The following BCL2 variants were observed in gnomAD, a reference collection of about 807,000 sequenced individuals.
BCL2 encodes the protein apoptosis regulator Bcl-2.
Under a neutral mutation model 14.2 loss-of-function variants are expected in BCL2, and 1 was observed. The observed-to-expected ratio is 0.07, with a 90% CI of 0.02 to 0.33. The LOEUF is 0.33. Ranked by LOEUF, BCL2 falls within the 10% of genes least tolerant of loss-of-function variation. The probability of loss-of-function intolerance (pLI) is 0.99; values close to 1 mark genes in which losing one functional copy is unlikely to be tolerated. For missense variants in BCL2, 247 were observed against 305.9 expected, an observed-to-expected ratio of 0.81 and a Z score of 1.44; for synonymous variants, 151 against 137.2, an observed-to-expected ratio of 1.10 and a Z score of -0.70.
chr18:63,315,252 T>C (rs1913459792), intron 2 of BCL2: 1 of 152,476 alleles, frequency 6.6e-6, no homozygotes, highest in East Asian at 1.9e-4. Context: ...TTTTCTAGAA[T>C]TGCTTCTCTC....
rs898133725 is a variant in BCL2 at position 63,123,934 on chromosome 18, G to A, written c.*4691C>T. ...AGTCTCAGAATTTTCTTGATTGAGC[G>A]AGCCTTTCCATCCTCCACCAGTGTT... On this transcript the variant is annotated 3_prime_UTR_variant, in exon 3 of 3. Transcript: ENST00000333681. 2.3e-5 allele frequency: 5 copies of A among 220,398 alleles called. No homozygotes were observed. Among genetic ancestry groups the A allele is most frequent in the Non-Finnish European group, 2.7e-5 (3 of 109,822 alleles). The allele number at this position is 220,398 out of a possible 1,614,324, so 13.7% of individuals were successfully genotyped here.
chr18:63,203,388 C>T (rs930670477), intron 2 of BCL2, among the ~76,000 whole-genome samples: 3 of 152,136 alleles, frequency 2.0e-5, no homozygotes, highest in Non-Finnish European at 2.9e-5. Context: ...CAGGGAGGTT[C>T]CCCACCTATT....
chr18:63,234,322 T>C (rs542172852), intron 2 of BCL2, among the ~76,000 whole-genome samples: 1 of 152,348 alleles, frequency 6.6e-6, no homozygotes, highest in Admixed American at 6.5e-5. Flanking sequence ...CTCCCACTTA[T>C]AAGTGAGAAC....
At chr18:63,218,742 T>TCCCTCCTCCACTCATCC (rs1910291259) in intron 2 of BCL2, among the ~76,000 whole-genome samples, 2 of 842 alleles carry the variant, frequency 2.4e-3, no homozygotes, top group African/African-American at 0.012. Context: ...TCCACTCATC[T>TCCCTCCTCCACTCATCC]CCATCCTCCA....
chr18:63,296,464 G>A (rs1273236106), intron 2 of BCL2, among the ~76,000 whole-genome samples: 2 of 152,108 alleles, frequency 1.3e-5, no homozygotes, highest in Admixed American at 6.6e-5. Context: ...CACCATGATT[G>A]GCTTAATTGT....
intron 2 of BCL2, among the ~76,000 whole-genome samples, chr18:63,286,983 C>A (rs2144262714): frequency 6.6e-6 from 1 of 152,312 alleles, no homozygotes; most frequent in African/African-American, 2.4e-5. Context: ...GGCACTCATT[C>A]AACAGCAAAA....
At chr18:63,135,721 T>C (rs1914191196) in intron 2 of BCL2, among the ~76,000 whole-genome samples, 1 of 152,180 alleles carries the variant, frequency 6.6e-6, no homozygotes, top group Non-Finnish European at 1.5e-5. Context: ...TCAATTACAA[T>C]TTCAATCGCA....
At chr18:63,205,711 G>A (rs933451843) in intron 2 of BCL2, among the ~76,000 whole-genome samples, 16 of 152,200 alleles carry the variant, frequency 1.1e-4, no homozygotes, top group African/African-American at 3.9e-4. Flanking sequence ...AAAGAAGAAG[G>A]ATCTTTTATT....
rs548670831 is a variant in BCL2, at chr18:63,172,649, C to T, written c.586-43890G>A. On this transcript the variant is annotated intron_variant, in intron 2 of 2. Coordinates refer to ENST00000333681, the MANE Select transcript of BCL2 (RefSeq NM_000633.3). ...ATAAAAAATTAGCCAGGTGTGGTGG[C>T]GGGCGCCTGTAGTCCCAGCTACTCG... 9.9e-5 allele frequency among the ~76,000 whole-genome samples: 15 copies of T among 152,162 alleles called. 1 individual carries two copies. In the South Asian group the frequency reaches 1.5e-3, roughly 15 times the overall value.
chr18:63,294,354 CA>C (rs960900789), intron 2 of BCL2, among the ~76,000 whole-genome samples: 3 of 152,092 alleles, frequency 2.0e-5, no homozygotes, highest in Admixed American at 2.0e-4. Flanking sequence ...TTACGAAACC[CA>C]ATTAAAATAA....
chr18:63,155,668 G>A (rs1914760317), intron 2 of BCL2, among the ~76,000 whole-genome samples: 1 of 152,238 alleles, frequency 6.6e-6, no homozygotes, highest in East Asian at 1.9e-4. Context: ...GTGAGAAGAG[G>A]CTGGGAGGAA....
At chr18:63,158,410 T>G (rs1188782087) in intron 2 of BCL2, among the ~76,000 whole-genome samples, 1 of 152,020 alleles carries the variant, frequency 6.6e-6, no homozygotes, top group Non-Finnish European at 1.5e-5. Context: ...TAGCCTGGCC[T>G]TGGGACTGGC....
intron 2 of BCL2, among the ~76,000 whole-genome samples, chr18:63,267,519 C>T (rs1279572851): frequency 6.6e-6 from 1 of 152,080 alleles, no homozygotes; most frequent in Non-Finnish European, 1.5e-5. Context: ...GTTTGGAGGA[C>T]TGTGATGCAA....
chr18:63,246,887 G>A (rs997695005), intron 2 of BCL2, among the ~76,000 whole-genome samples: 1 of 152,180 alleles, frequency 6.6e-6, no homozygotes, highest in South Asian at 2.1e-4. Context: ...TTAGACAATG[G>A]TGATTGTCAA....
At chr18:63,212,858 G>A (rs62100187) in intron 2 of BCL2, among the ~76,000 whole-genome samples, 12,024 of 146,864 alleles carry the variant, frequency 0.082, 685 homozygotes, top group Middle Eastern at 0.14. Flanking sequence ...CCTGGGCAAC[G>A]GAGCGAGACT....
intron 2 of BCL2, among the ~76,000 whole-genome samples, chr18:63,244,242 G>A (rs919639008): frequency 6.6e-6 from 1 of 152,202 alleles, no homozygotes; most frequent in Non-Finnish European, 1.5e-5. Flanking sequence ...GCTGGGCGTG[G>A]TGGCAGGCAC....
intron 2 of BCL2, among the ~76,000 whole-genome samples, chr18:63,188,058 C>G (rs1156249577): frequency 6.6e-6 from 1 of 152,040 alleles, no homozygotes; most frequent in Non-Finnish European, 1.5e-5. Context: ...AGTATACGAT[C>G]AAAGTTAAGA....
At chr18:63,314,839 C>T (rs1015562795) in intron 2 of BCL2, 2 of 152,202 alleles carry the variant, frequency 1.3e-5, no homozygotes, top group Non-Finnish European at 2.9e-5. Flanking sequence ...ACCAGTGATG[C>T]CAATATAAAC....
intron 2 of BCL2, among the ~76,000 whole-genome samples, chr18:63,206,740 C>T (rs1909846964): frequency 6.6e-6 from 1 of 151,558 alleles, no homozygotes; most frequent in Non-Finnish European, 1.5e-5. Context: ...ACTGATCGGA[C>T]AGGATTTAAA....
Sources: gnomAD v4.1 joint callset for allele counts (sites outside exome capture counted in the v4.1 genomes callset) on GRCh38, gnomAD v4.1.1 for gene constraint, MANE v1.5 for transcripts, NCBI Gene and HGNC (gene_info 2026-07-23, HGNC 2026-07-21) for gene names.